UBE2E1: variants seen among roughly 807,000 people sequenced by gnomAD.
UBE2E1 encodes ubiquitin-conjugating enzyme E2 E1.
A neutral mutation model predicts 21.4 loss-of-function variants in UBE2E1; 6 were observed. That is an observed-to-expected ratio of 0.28 (90% CI 0.15 to 0.55). The LOEUF is 0.55. Among genes scored for constraint, UBE2E1 ranks in the 20% least tolerant of loss-of-function variants. The pLI is 0.93. For synonymous variants in UBE2E1, 87 were observed against 82.7 expected, an observed-to-expected ratio of 1.05 and a Z score of -0.28; for missense variants, 142 against 236.5, an observed-to-expected ratio of 0.60 and a Z score of 2.62.
chr3:23,887,747 G>A lies in UBE2E1; in HGVS notation c.336+48G>A. The A allele has an allele frequency of 1.3e-6, 2 of 1,566,416 alleles. No individual in the cohort carries two copies. On this transcript the variant is annotated intron_variant, in intron 4 of 5. Transcript: ENST00000306627. This position sits in a 1 kb window ranked among gnomAD's most constrained non-coding sequence, Gnocchi z 4.4. ...CAAATTTACTAATTCCCACAAGAGA[G>A]CAACTGTTGAGGTTTTTCTAAATTT...
rs573088921 is a variant in UBE2E1 at position 23,810,618 on chromosome 3, G to A, written c.153-842G>A. 1 of 1,266,632 alleles carries A rather than the reference G, an allele frequency of 7.9e-7. No homozygotes were observed. The highest frequency in any genetic ancestry group is 1.1e-6 in the Non-Finnish European group (1 of 940,688). 78.5% of individuals were successfully genotyped at this position (1,266,632 alleles called of 1,614,324 possible). ...GTGCGGCCGCGGGCCGGCCACTTGGGGTCTGTGGTGCCCGAGTGGCGGGCG... is the reference window on the plus strand; with the variant it reads ...GTGCGGCCGCGGGCCGGCCACTTGGAGTCTGTGGTGCCCGAGTGGCGGGCG... On this transcript the variant is annotated intron_variant, in intron 2 of 5. Transcript: ENST00000306627. This position sits in a 1 kb window ranked among gnomAD's most constrained non-coding sequence, Gnocchi z 5.8.
intron 3 of UBE2E1, among the ~76,000 whole-genome samples, chr3:23,877,016 C>T (rs1422740438): frequency 2.6e-5 from 4 of 152,222 alleles, no homozygotes; most frequent in Non-Finnish European, 5.9e-5. Flanking sequence ...GAGTGAGACA[C>T]TGTCTCAAAG....
chr3:23,819,910 G>A (rs1419183122), intron 3 of UBE2E1, among the ~76,000 whole-genome samples: 3 of 152,164 alleles, frequency 2.0e-5, no homozygotes, highest in Non-Finnish European at 4.4e-5. Context: ...TGAATTGCTT[G>A]TTTTGACTTC....
At chr3:23,873,056 A>G (rs1356386163) in intron 3 of UBE2E1, among the ~76,000 whole-genome samples, 2 of 152,084 alleles carry the variant, frequency 1.3e-5, no homozygotes, top group Non-Finnish European at 2.9e-5. Flanking sequence ...GTACTATTTC[A>G]CATATTTGCA....
Position 23,806,196 on chromosome 3 carries a change from A to C in UBE2E1, c.-34+108A>C. 6.9e-6 allele frequency: 1 copy of C among 143,938 alleles called. No individual in the cohort carries two copies. Among genetic ancestry groups the C allele is most frequent in the Non-Finnish European group, 1.5e-5 (1 of 65,306 alleles). The allele number at this position is 143,938 out of a possible 1,614,324, so 8.9% of individuals were successfully genotyped here. A position where few individuals can be genotyped will look rare whatever the true frequency, so the allele number is the denominator to read the frequency against. On this transcript the variant is annotated intron_variant, in intron 1 of 5. Coordinates refer to ENST00000306627, the MANE Select transcript of UBE2E1 (RefSeq NM_003341.5). This position sits in a 1 kb window ranked among gnomAD's most constrained non-coding sequence, Gnocchi z 6.5. ...CGCGCCGCCGGGGCCGCCGGGCCGC[A>C]GGGCACGGGGCCGGCGCGGGGGGGG...
chr3:23,825,155 A>T (rs1272751854), intron 3 of UBE2E1, among the ~76,000 whole-genome samples: 1 of 152,184 alleles, frequency 6.6e-6, no homozygotes, highest in Non-Finnish European at 1.5e-5. Context: ...TCTTACTCCT[A>T]GTTTTGCAAG....
At chr3:23,884,211 T>C (rs1473168930) in intron 3 of UBE2E1, among the ~76,000 whole-genome samples, 1 of 134,132 alleles carries the variant, frequency 7.5e-6, no homozygotes, top group Non-Finnish European at 1.6e-5. Context: ...TCAAAAAAAT[T>C]AACACCTAAA....
At chr3:23,856,650 T>C (rs1017334962) in intron 3 of UBE2E1, among the ~76,000 whole-genome samples, 3 of 152,152 alleles carry the variant, frequency 2.0e-5, no homozygotes, top group African/African-American at 7.2e-5. Context: ...GAAATGCATC[T>C]CTCTTTTCAT....
intron 3 of UBE2E1, among the ~76,000 whole-genome samples, chr3:23,844,479 G>C (rs1017350863): frequency 6.6e-6 from 1 of 152,150 alleles, no homozygotes; most frequent in African/African-American, 2.4e-5. Context: ...TAGAAGACCA[G>C]ATCGTTTCCA....
At chr3:23,871,773 T>C (rs554445753) in intron 3 of UBE2E1, among the ~76,000 whole-genome samples, 23 of 131,102 alleles carry the variant, frequency 1.8e-4, no homozygotes, top group Non-Finnish European at 3.2e-4. Flanking sequence ...TCTCAGATGA[T>C]GGGCGGCCGG....
intron 3 of UBE2E1, among the ~76,000 whole-genome samples, chr3:23,845,375 T>A (rs1700174489): frequency 6.6e-6 from 1 of 152,188 alleles, no homozygotes; most frequent in Non-Finnish European, 1.5e-5. Flanking sequence ...AGCCTCTGTT[T>A]ACCAAGTTGC....
chr3:23,833,116 A>G (rs1273539375), intron 3 of UBE2E1, among the ~76,000 whole-genome samples: 1 of 152,198 alleles, frequency 6.6e-6, no homozygotes, highest in African/African-American at 2.4e-5. Context: ...CAATTTTTCA[A>G]TTTTTGTCCC....
intron 3 of UBE2E1, among the ~76,000 whole-genome samples, chr3:23,848,383 T>A (rs1367053512): frequency 1.3e-5 from 2 of 151,606 alleles, no homozygotes; most frequent in African/African-American, 4.9e-5. Context: ...GGCAGGAGAA[T>A]CACCTGAACT....
At chr3:23,840,669 C>T (rs1238874762) in intron 3 of UBE2E1, among the ~76,000 whole-genome samples, 1 of 152,094 alleles carries the variant, frequency 6.6e-6, no homozygotes, top group Non-Finnish European at 1.5e-5. Flanking sequence ...GGGGAGTGTT[C>T]TCTCTGTTCT....
intron 3 of UBE2E1, among the ~76,000 whole-genome samples, chr3:23,872,013 A>G (rs575247716): frequency 2.6e-4 from 40 of 151,942 alleles, no homozygotes; most frequent in Non-Finnish European, 1.9e-4. Flanking sequence ...TTGGGAGGCC[A>G]AGGCAGGCGG....
intron 3 of UBE2E1, among the ~76,000 whole-genome samples, chr3:23,859,450 A>G (rs1230881955): frequency 6.6e-6 from 1 of 152,164 alleles, no homozygotes; most frequent in African/African-American, 2.4e-5. Context: ...TGACTTTGAT[A>G]TCCATGTGGA....
At chr3:23,856,970 T>G (rs1004414728) in intron 3 of UBE2E1, among the ~76,000 whole-genome samples, 1 of 143,288 alleles carries the variant, frequency 7.0e-6, no homozygotes, top group Non-Finnish European at 1.5e-5. Context: ...AACACTGCAC[T>G]CGGCCTGGGT....
In UBE2E1 at chr3:23,866,749, A is replaced by C. The variant is rs77454036; in HGVS notation, c.204-20818A>C. Among the ~76,000 whole-genome samples the C allele has an allele frequency of 5.3e-3, 805 of 152,360 alleles. 11 individuals are homozygous for C. The highest frequency in any genetic ancestry group is 0.018 in the African/African-American group (756 of 41,592). On this transcript the variant is annotated intron_variant, in intron 3 of 5. Coordinates refer to ENST00000306627, the MANE Select transcript of UBE2E1 (RefSeq NM_003341.5). ...TTCACCTAATTGATTTCTGCAAATAAAGTGATTTAATTTTTGGTATTAAGA... is the reference window on the plus strand; with the variant it reads ...TTCACCTAATTGATTTCTGCAAATACAGTGATTTAATTTTTGGTATTAAGA...
chr3:23,876,422 C>T lies in UBE2E1; in HGVS notation c.204-11145C>T, dbSNP rs1452245975. On this transcript the variant is annotated intron_variant, in intron 3 of 5. Transcript: ENST00000306627. This position sits in a 1 kb window ranked among gnomAD's most constrained non-coding sequence, Gnocchi z 4.3. ...AGGGGTGCTGAGGGTAAGAATGTAC[C>T]AAGTAGATCTCATGGAGAAGGCAGC... is the stretch of plus-strand genomic sequence containing the variant. Among the ~76,000 whole-genome samples, 2 of 152,084 alleles carry T rather than the reference C, an allele frequency of 1.3e-5. No homozygotes were observed. Among genetic ancestry groups the T allele is most frequent in the African/African-American group, 4.8e-5 (2 of 41,418 alleles).
Sources: gnomAD v4.1 joint callset for allele counts (sites outside exome capture counted in the v4.1 genomes callset) on GRCh38, gnomAD v4.1.1 for gene constraint, Gnocchi (gnomAD v3.1) non-coding constraint, MANE v1.5 for transcripts, NCBI Gene and HGNC (gene_info 2026-07-23, HGNC 2026-07-21) for gene names.